Variants in FAM161A observed in about 807,000 individuals in gnomAD.
The protein encoded by FAM161A is protein FAM161A.
Under a neutral mutation model 70.9 loss-of-function variants are expected in FAM161A, and 57 were observed. The observed-to-expected ratio is 0.80, with a 90% CI of 0.65 to 1.00. The LOEUF (loss-of-function observed/expected upper bound fraction) is 1.00, where lower values mean the gene tolerates loss of function less well. Ranked by LOEUF, FAM161A falls within the 50% of genes least tolerant of loss-of-function variation. The probability of loss-of-function intolerance (pLI) is 0.00; values close to 1 mark genes in which losing one functional copy is unlikely to be tolerated. For synonymous variants in FAM161A, 299 were observed against 295.7 expected (o/e 1.01, Z -0.12); for missense variants, 880 against 836.0 (o/e 1.05, Z -0.65).
At chr2:61,848,289 G>T (rs1442520504) in intron 1 of FAM161A, among the ~76,000 whole-genome samples, 1 of 152,148 alleles carries the variant, frequency 6.6e-6, no homozygotes, top group Non-Finnish European at 1.5e-5. Flanking sequence ...GATCCATTCT[G>T]TTTTCAGCTT....
At chr2:61,838,888 A>ATT (rs962221306) in intron 3 of FAM161A, among the ~76,000 whole-genome samples, 183 bp from the exon 4 acceptor site, 95 of 118,198 alleles carry the variant, frequency 8.0e-4, no homozygotes, top group Middle Eastern at 3.8e-3. Context: ...TTATTTATTT[A>ATT]TTTATTTTTT....
At chr2:61,839,039 C>T (rs565170498) in intron 3 of FAM161A, among the ~76,000 whole-genome samples, 19 of 151,716 alleles carry the variant, frequency 1.3e-4, no homozygotes, top group African/African-American at 4.1e-4. Context: ...CCCGCCACCA[C>T]GCCCAGCTAA....
the FAM161A span, among the ~76,000 whole-genome samples, chr2:61,811,578 G>C: frequency 6.6e-6 from 1 of 152,032 alleles, no homozygotes; most frequent in African/African-American, 2.4e-5. Context: ...TCTCCATTTT[G>C]GCCAGGTTGG....
chr2:61,836,341 C>G, intron 4 of FAM161A: 1 of 465,764 alleles, frequency 2.1e-6, no homozygotes, highest in Non-Finnish European at 3.9e-6. Context: ...TCTGAGATCA[C>G]ACATATTATG....
downstream of FAM161A, among the ~76,000 whole-genome samples, chr2:61,821,891 T>G (rs898073003): frequency 6.6e-6 from 1 of 152,050 alleles, no homozygotes; most frequent in Admixed American, 6.6e-5. Context: ...TGCCTCAGCC[T>G]CCTGGGTAGC....
At position 61,825,231 on chromosome 2, in the gene FAM161A, A is replaced by T; in HGVS notation, c.*1224T>A. On this transcript the variant is annotated 3_prime_UTR_variant, in exon 7 of 7. Coordinates refer to ENST00000404929, the MANE Select transcript of FAM161A (RefSeq NM_001201543.2). ...AACAAAAATTTGCTTAAAGAAAAAAATATAGATTTATAAAATCAGATTAAC... is the reference window on the plus strand; with the variant it reads ...AACAAAAATTTGCTTAAAGAAAAAATTATAGATTTATAAAATCAGATTAAC... 1 of 441,434 alleles carries T rather than the reference A, an allele frequency of 2.3e-6. No homozygotes were observed. Among genetic ancestry groups the T allele is most frequent in the Non-Finnish European group, 4.5e-6 (1 of 223,948 alleles). The allele number at this position is 441,434 out of a possible 1,614,324, so 27.3% of individuals were successfully genotyped here. A position where few individuals can be genotyped will look rare whatever the true frequency, so the allele number is the denominator to read the frequency against.
intron 3 of FAM161A, 149 bp from the exon 4 acceptor site, chr2:61,838,854 A>ATATTTATTTATTTATT (rs10645430): frequency 1.3e-4 from 19 of 151,176 alleles, no homozygotes; most frequent in Middle Eastern, 2.3e-3. Context: ...AAAACTAGAA[A>ATATTTATTTATTTATT]TATTTATTTA....
the FAM161A span, among the ~76,000 whole-genome samples, chr2:61,817,319 A>G: frequency 6.6e-6 from 1 of 152,220 alleles, no homozygotes; most frequent in Non-Finnish European, 1.5e-5. Context: ...ACTGAAGATA[A>G]TACTATTAAC....
At chr2:61,807,308 A>C in the FAM161A span, among the ~76,000 whole-genome samples, 1 of 151,892 alleles carries the variant, frequency 6.6e-6, no homozygotes, top group East Asian at 1.9e-4. Flanking sequence ...GAAAAAAAAA[A>C]ACCTAGAAAA....
chr2:61,831,766 T>G, intron 5 of FAM161A, among the ~76,000 whole-genome samples: 1 of 152,130 alleles, frequency 6.6e-6, no homozygotes, highest in East Asian at 1.9e-4. Flanking sequence ...GTGCTTGTCT[T>G]TCAGCAACCT....
chr2:61,824,032 C>CTT (rs1221098944), downstream of FAM161A, among the ~76,000 whole-genome samples: 1 of 141,846 alleles, frequency 7.0e-6, no homozygotes, highest in Non-Finnish European at 1.6e-5. Flanking sequence ...TCTTTTTTTT[C>CTT]TTTTTTTTTT....
At chr2:61,841,444 G>C (rs1214706776) in intron 2 of FAM161A, among the ~76,000 whole-genome samples, 1 of 152,204 alleles carries the variant, frequency 6.6e-6, no homozygotes. Flanking sequence ...ACTGAACTCA[G>C]ATGTGACACT....
chr2:61,842,725 G>A (rs1045978178), intron 1 of FAM161A, among the ~76,000 whole-genome samples: 4 of 152,208 alleles, frequency 2.6e-5, no homozygotes, highest in Non-Finnish European at 5.9e-5. Flanking sequence ...CTGAGATGAA[G>A]AGGAACACGG....
chr2:61,805,866 G>A, the FAM161A span, among the ~76,000 whole-genome samples: 4 of 151,994 alleles, frequency 2.6e-5, no homozygotes, highest in African/African-American at 4.8e-5. Flanking sequence ...TATTAGTTTG[G>A]TTACATATCT....
downstream of FAM161A, chr2:61,820,606 A>T (rs573726003): frequency 4.1e-5 from 28 of 678,472 alleles, no homozygotes; most frequent in Middle Eastern, 4.2e-4. Context: ...ACTGGTATTA[A>T]GGGGTTATTC....
At chr2:61,851,830 G>T (rs758952616) in intron 1 of FAM161A, among the ~76,000 whole-genome samples, 1 of 151,928 alleles carries the variant, frequency 6.6e-6, no homozygotes, top group Admixed American at 6.6e-5. Context: ...GTGTGGGGTG[G>T]GATGAGTGGT....
rs1294608102 is a variant in FAM161A, at chr2:61,825,303, T to C, written c.*1152A>G. The C allele has an allele frequency of 6.6e-6, 3 of 454,054 alleles. No individual in the cohort carries two copies. Among genetic ancestry groups the C allele is most frequent in the Non-Finnish European group, 1.3e-5 (3 of 226,772 alleles). 28.1% of individuals were successfully genotyped at this position (454,054 alleles called of 1,614,324 possible). ...TGTGTTGGCAATAATATGTAAAAAG[T>C]TGAACACAACTGGGTCTAGCAGTGA... On this transcript the variant is annotated 3_prime_UTR_variant, in exon 7 of 7. Transcript: ENST00000404929.
intron 5 of FAM161A, among the ~76,000 whole-genome samples, chr2:61,831,857 C>T (rs972337844): frequency 6.6e-6 from 1 of 152,006 alleles, no homozygotes; most frequent in Non-Finnish European, 1.5e-5. Context: ...CAAAGATAAT[C>T]TGAGGAAAGC....
At chr2:61,827,311 T>C (rs1425946293) in intron 5 of FAM161A, 53 bp from the exon 6 acceptor site, 4 of 1,590,734 alleles carry the variant, frequency 2.5e-6, no homozygotes, top group East Asian at 4.5e-5. Context: ...TAAATTTTCA[T>C]CAAAAATGTA....
Sources: allele counts gnomAD v4.1 joint callset (sites outside exome capture counted in the v4.1 genomes callset), GRCh38; gene constraint gnomAD v4.1.1; transcripts MANE v1.5; gene names NCBI Gene and HGNC (gene_info 2026-07-23, HGNC 2026-07-21).